The following SGCD variants were observed in gnomAD, a reference collection of about 807,000 sequenced individuals.
SGCD encodes sarcoglycan delta, also known as delta-sarcoglycan.
In SGCD, 18 loss-of-function variants were observed where a neutral mutation model predicts 36.6. The observed-to-expected ratio is 0.49, with a 90% CI of 0.34 to 0.73. The LOEUF is 0.73. Among genes scored for constraint, SGCD ranks in the 30% least tolerant of loss-of-function variants. The pLI, the probability that SGCD is intolerant of heterozygous loss-of-function variation, is 0.01. For synonymous variants in SGCD, 133 were observed against 130.6 expected (o/e 1.02, Z -0.12); for missense variants, 387 against 346.7 (o/e 1.12, Z -0.92).
chr5:156,605,041 T>TTGTG (rs145050755), intron 6 of SGCD, among the ~76,000 whole-genome samples: 1 of 151,514 alleles, frequency 6.6e-6, no homozygotes, highest in African/African-American at 2.4e-5. Context: ...TTTTTTTCTC[T>TTGTG]TGTGTGTGTG....
chr5:156,418,446 ACAC>A (rs904191510), intron 3 of SGCD, among the ~76,000 whole-genome samples: 1 of 152,184 alleles, frequency 6.6e-6, no homozygotes, highest in African/African-American at 2.4e-5. Context: ...TATGTACAGG[ACAC>A]CACCTCTGCT....
chr5:156,757,514 T>G, intron 7 of SGCD, 67 bp from the exon 8 acceptor site: 1 of 1,027,426 alleles, frequency 9.7e-7, no homozygotes. Flanking sequence ...TCCTTGAGCA[T>G]GAACTTCCTT....
At chr5:156,298,486 G>A (rs568292513) in intron 3 of SGCD, among the ~76,000 whole-genome samples, 68 of 151,228 alleles carry the variant, frequency 4.5e-4, no homozygotes, top group Non-Finnish European at 9.0e-4. Flanking sequence ...ATATTTCATT[G>A]TAGTTTTGAT....
chr5:156,716,317 C>T (rs189391922), intron 7 of SGCD, among the ~76,000 whole-genome samples: 241 of 152,314 alleles, frequency 1.6e-3, no homozygotes, highest in Admixed American at 5.8e-3. Flanking sequence ...CTTATTATCC[C>T]ATTTTATGGA....
intron 3 of SGCD, among the ~76,000 whole-genome samples, chr5:156,293,915 T>C (rs531114591): frequency 6.6e-6 from 1 of 152,280 alleles, no homozygotes; most frequent in South Asian, 2.1e-4. Flanking sequence ...CTGTAGATCA[T>C]TTTGAATAGT....
At chr5:156,483,049 T>A (rs985093567) in intron 3 of SGCD, among the ~76,000 whole-genome samples, 5 of 152,072 alleles carry the variant, frequency 3.3e-5, no homozygotes, top group Admixed American at 3.3e-4. Flanking sequence ...CAGACATTCT[T>A]GCCTCATCTA....
At chr5:156,251,300 G>A (rs1765570941) in intron 3 of SGCD, among the ~76,000 whole-genome samples, 1 of 152,098 alleles carries the variant, frequency 6.6e-6, no homozygotes, top group Admixed American at 6.5e-5. Context: ...GGAAGAGCCT[G>A]CTTGCATGCA....
At chr5:156,330,037 A>C (rs1487518545) in intron 2 of SGCD, among the ~76,000 whole-genome samples, 1 of 151,466 alleles carries the variant, frequency 6.6e-6, no homozygotes, top group Non-Finnish European at 1.5e-5. Flanking sequence ...AAAAAAAAAA[A>C]AAATCTCCAA....
chr5:156,299,699 T>C (rs1056328403), intron 3 of SGCD, among the ~76,000 whole-genome samples: 1 of 152,200 alleles, frequency 6.6e-6, no homozygotes, highest in African/African-American at 2.4e-5. Context: ...TTTGTAGTTG[T>C]AGTAAATGGG....
chr5:156,173,696 G>A (rs1763394747), intron 3 of SGCD, among the ~76,000 whole-genome samples: 2 of 151,690 alleles, frequency 1.3e-5, no homozygotes, highest in African/African-American at 4.8e-5. Flanking sequence ...AAAACCTTAG[G>A]GAGATCTTAA....
At chr5:156,402,757 G>T (rs1299346296) in intron 3 of SGCD, among the ~76,000 whole-genome samples, 1 of 152,162 alleles carries the variant, frequency 6.6e-6, no homozygotes, top group Non-Finnish European at 1.5e-5. Context: ...CATGCTCTCT[G>T]CAGGGGAAAG....
At chr5:155,990,319 G>A (rs907860686) in intron 1 of SGCD, among the ~76,000 whole-genome samples, 2 of 152,272 alleles carry the variant, frequency 1.3e-5, no homozygotes, top group African/African-American at 4.8e-5. Context: ...TTGAAACAAG[G>A]CAGCCATAGA....
chr5:155,959,296 G>A (rs1437022564), intron 1 of SGCD, among the ~76,000 whole-genome samples: 1 of 152,110 alleles, frequency 6.6e-6, no homozygotes, highest in African/African-American at 2.4e-5. Flanking sequence ...TGAGCCAGGA[G>A]GCCTGGGCCA....
chr5:156,359,567 A>G (rs1211725965), intron 3 of SGCD, among the ~76,000 whole-genome samples: 6 of 152,160 alleles, frequency 3.9e-5, no homozygotes. Flanking sequence ...TAGACCCAGA[A>G]TTTCTAACAG....
intron 3 of SGCD, among the ~76,000 whole-genome samples, chr5:156,459,731 A>G (rs1466215569): frequency 6.6e-6 from 1 of 152,202 alleles, no homozygotes; most frequent in Non-Finnish European, 1.5e-5. Context: ...AACTGTTTTC[A>G]GTGAGGCGAT....
At chr5:156,087,753 G>T (rs968698090) in intron 1 of SGCD, among the ~76,000 whole-genome samples, 3 of 152,118 alleles carry the variant, frequency 2.0e-5, no homozygotes, top group Non-Finnish European at 1.5e-5. Context: ...AGCCCCTTGG[G>T]TGTAATTAGC....
the SGCD span, among the ~76,000 whole-genome samples, chr5:155,790,327 C>A: frequency 6.6e-6 from 1 of 152,048 alleles, no homozygotes; most frequent in African/African-American, 2.4e-5. Context: ...TACATTCTTA[C>A]TCTTCTTGAC....
intron 1 of SGCD, among the ~76,000 whole-genome samples, chr5:155,969,004 C>G (rs1243270021): frequency 6.6e-6 from 1 of 152,024 alleles, no homozygotes; most frequent in Non-Finnish European, 1.5e-5. Context: ...ACATACACAT[C>G]TAGGTCATTC....
the SGCD span, among the ~76,000 whole-genome samples, chr5:155,801,694 T>C: frequency 6.6e-6 from 1 of 152,260 alleles, no homozygotes. Context: ...CTATAATTAA[T>C]ATCTAATAAT....
Sources: allele counts gnomAD v4.1 joint callset (sites outside exome capture counted in the v4.1 genomes callset), GRCh38; gene constraint gnomAD v4.1.1; transcripts MANE v1.5; gene names NCBI Gene and HGNC (gene_info 2026-07-23, HGNC 2026-07-21).